Variants in EMILIN2 observed in about 807,000 individuals in gnomAD.
The protein encoded by EMILIN2 is elastin microfibril interfacer 2.
Under a neutral mutation model 87.1 loss-of-function variants are expected in EMILIN2, and 71 were observed. That is an observed-to-expected ratio of 0.82 (90% CI 0.67 to 0.99). The LOEUF is 0.99. Ranked by LOEUF, EMILIN2 falls within the 50% of genes least tolerant of loss-of-function variation. The pLI, the probability that EMILIN2 is intolerant of heterozygous loss-of-function variation, is 0.00. For missense variants in EMILIN2, 1,407 were observed against 1,371.8 expected, an observed-to-expected ratio of 1.03 and a Z score of -0.40; for synonymous variants, 581 against 563.4, an observed-to-expected ratio of 1.03 and a Z score of -0.44.
intron 4 of EMILIN2, among the ~76,000 whole-genome samples, chr18:2,898,926 G>A (rs1194039572): frequency 6.6e-6 from 1 of 152,180 alleles, no homozygotes; most frequent in Non-Finnish European, 1.5e-5. Context: ...CTGACAACTC[G>A]CCCCCTTTAT....
chr18:2,899,459 T>C (rs927403026), intron 4 of EMILIN2, among the ~76,000 whole-genome samples: 1 of 152,254 alleles, frequency 6.6e-6, no homozygotes, highest in Non-Finnish European at 1.5e-5. Flanking sequence ...TAGATCCTCC[T>C]ATGCGCTTCC....
At chr18:2,887,405 G>A (rs996996115) in intron 3 of EMILIN2, among the ~76,000 whole-genome samples, 1 of 152,098 alleles carries the variant, frequency 6.6e-6, no homozygotes, top group South Asian at 2.1e-4. Flanking sequence ...GTGGGAGATG[G>A]GGTATCATGG....
At chr18:2,878,554 G>C (rs1253779481) in intron 2 of EMILIN2, among the ~76,000 whole-genome samples, 1 of 152,092 alleles carries the variant, frequency 6.6e-6, no homozygotes, top group Non-Finnish European at 1.5e-5. Flanking sequence ...AACTTGAAAA[G>C]AATGAATTAC....
In EMILIN2 at chr18:2,892,198, T is replaced by C. The variant is rs372460634; in HGVS notation, c.2071T>C (p.Cys691Arg). Residue 691 changes from cysteine to arginine, a missense_variant, in exon 4 of 8, where the codon TGC becomes CGC. Cys to Arg is a radical substitution (Grantham distance 180). Coordinates refer to ENST00000254528, the MANE Select transcript of EMILIN2 (RefSeq NM_032048.3). Reference protein sequence around the residue: ...VISELDACKECTQGVQREVSM... With the variant: ...VISELDACKERTQGVQREVSM... ...CTCGGAGCTGGATGCTTGTAAGGAA[T>C]GCACGCAGGGGGTCCAGAGGGAGGT... The C allele has an allele frequency of 5.0e-6, 8 of 1,607,102 alleles. No homozygotes were observed. Among genetic ancestry groups the C allele is most frequent in the Non-Finnish European group, 6.0e-6 (7 of 1,175,422 alleles).
At chr18:2,872,206 G>C (rs185670089) in intron 2 of EMILIN2, among the ~76,000 whole-genome samples, 3 of 152,308 alleles carry the variant, frequency 2.0e-5, no homozygotes, top group African/African-American at 7.2e-5. Flanking sequence ...AAAGGATGCT[G>C]CTGTTGCTCA....
At chr18:2,881,177 C>G (rs776984327) in intron 2 of EMILIN2, among the ~76,000 whole-genome samples, 18 of 152,182 alleles carry the variant, frequency 1.2e-4, no homozygotes, top group Non-Finnish European at 2.4e-4. Flanking sequence ...ACTAGCAGGG[C>G]CCAAGGCCAC....
At chr18:2,895,734 C>CT (rs1220675050) in intron 4 of EMILIN2, among the ~76,000 whole-genome samples, 2 of 152,238 alleles carry the variant, frequency 1.3e-5, no homozygotes. Flanking sequence ...AAAGTGGAAG[C>CT]TGCTGGGCCT....
intron 2 of EMILIN2, among the ~76,000 whole-genome samples, chr18:2,873,982 C>T (rs1822127239): frequency 6.6e-6 from 1 of 152,104 alleles, no homozygotes; most frequent in African/African-American, 2.4e-5. Flanking sequence ...AGTACAGTCC[C>T]ACAAGCCTGC....
Position 2,907,056 on chromosome 18 carries a change from C to G in EMILIN2, c.2633C>G (p.Pro878Arg). 1 of 1,267,778 alleles carries G rather than the reference C, an allele frequency of 7.9e-7. No homozygotes were observed. Among genetic ancestry groups the G allele is most frequent in the African/African-American group, 1.5e-5 (1 of 64,576 alleles). The allele number at this position is 1,267,778 out of a possible 1,614,324, so 78.5% of individuals were successfully genotyped here. ...VDGQTGSGTV[P>R]GAEGFAGAPG... ...GGCCAGACCGGGAGCGGCACCGTCC[C>G]CGGCGCAGAAGGCTTCGCGGGCGCA... Residue 878 changes from proline to arginine, a missense_variant, in exon 5 of 8, where the codon CCC becomes CGC. By Grantham distance (103) the Pro-to-Arg change is moderately radical. Coordinates refer to ENST00000254528, the MANE Select transcript of EMILIN2 (RefSeq NM_032048.3).
In EMILIN2 at chr18:2,902,656, C is replaced by T. The variant is rs1332871788; in HGVS notation, c.2360-4127C>T. On this transcript the variant is annotated intron_variant, in intron 4 of 7. Coordinates refer to ENST00000254528, the MANE Select transcript of EMILIN2 (RefSeq NM_032048.3). ...AGGCGGGGGACTCAGAACGTCAGGC[C>T]GGAGAGAGTCAGTTTGATTTTTACG... 2.0e-5 allele frequency among the ~76,000 whole-genome samples: 3 copies of T among 152,058 alleles called. No homozygotes were observed. The East Asian group carries it at 5.8e-4, about 29-fold the overall frequency.
chr18:2,874,215 A>C (rs1481227878), intron 2 of EMILIN2, among the ~76,000 whole-genome samples: 1 of 151,554 alleles, frequency 6.6e-6, no homozygotes, highest in African/African-American at 2.4e-5. Context: ...GTAGTTGATT[A>C]CTTCTTGTTG....
chr18:2,887,607 C>T (rs1051288652), intron 3 of EMILIN2, among the ~76,000 whole-genome samples: 11 of 152,122 alleles, frequency 7.2e-5, no homozygotes, highest in Non-Finnish European at 1.3e-4. Context: ...TTTCACCTTC[C>T]GTCATGAGTA....
chr18:2,872,176 G>A (rs1012657241), intron 2 of EMILIN2, among the ~76,000 whole-genome samples: 2 of 152,312 alleles, frequency 1.3e-5, no homozygotes, highest in Admixed American at 6.5e-5. Flanking sequence ...TGGTGCCTGG[G>A]TACCACCTGG....
chr18:2,853,619 C>A (rs556866396), intron 2 of EMILIN2, among the ~76,000 whole-genome samples: 34 of 152,310 alleles, frequency 2.2e-4, no homozygotes, highest in African/African-American at 8.2e-4. Flanking sequence ...GGGGTCACTA[C>A]CCCCATTTTA....
At chr18:2,869,806 G>A (rs1655233662) in intron 2 of EMILIN2, among the ~76,000 whole-genome samples, 1 of 81,978 alleles carries the variant, frequency 1.2e-5, no homozygotes, top group Non-Finnish European at 3.0e-5. Context: ...GTGTGTGTGT[G>A]TGTGTGTACC....
chr18:2,913,638 C>CG lies in EMILIN2; in HGVS notation c.*234_*235insG. On this transcript the variant is annotated 3_prime_UTR_variant, in exon 8 of 8. Transcript: ENST00000254528. ...CTTTTCTGCCACTCTAACTGGACAA[C>CG]TGGAAGACTTGGAAAGGCCTCCACC... The CG allele has an allele frequency of 2.0e-6, 1 of 502,034 alleles. No individual in the cohort carries two copies. The highest frequency in any genetic ancestry group is 2.7e-5 in the South Asian group (1 of 37,494). The allele number at this position is 502,034 out of a possible 1,614,324, so 31.1% of individuals were successfully genotyped here.
chr18:2,904,134 G>A (rs7239073), intron 4 of EMILIN2, among the ~76,000 whole-genome samples: 53,298 of 152,140 alleles, frequency 0.35, 10,227 homozygotes, highest in African/African-American at 0.52. Context: ...TTCTAGCATT[G>A]TTTGATGACA....
intron 2 of EMILIN2, among the ~76,000 whole-genome samples, chr18:2,882,739 C>T (rs2076782724): frequency 6.6e-6 from 1 of 152,044 alleles, no homozygotes; most frequent in Non-Finnish European, 1.5e-5. Flanking sequence ...AAAAAATAAC[C>T]AGGCATGGTG....
chr18:2,906,558 G>A (rs1479968824), intron 4 of EMILIN2: 1 of 365,234 alleles, frequency 2.7e-6, no homozygotes, highest in Non-Finnish European at 4.9e-6. Context: ...GGCTGGAAAC[G>A]CCCCGGCCCC....
Sources: allele counts gnomAD v4.1 joint callset (sites outside exome capture counted in the v4.1 genomes callset), GRCh38; gene constraint gnomAD v4.1.1; transcripts MANE v1.5; gene names NCBI Gene and HGNC (gene_info 2026-07-23, HGNC 2026-07-21).